The following PRCC variants were observed in gnomAD, a reference collection of about 807,000 sequenced individuals.
The protein encoded by PRCC is proline rich mitotic checkpoint control factor.
A neutral mutation model predicts 44.0 loss-of-function variants in PRCC; 10 were observed. That is an observed-to-expected ratio of 0.23 (90% CI 0.14 to 0.39). The LOEUF is 0.39. PRCC is among the 10% of genes least tolerant of loss of function. The probability of loss-of-function intolerance (pLI) is 1.00; values close to 1 mark genes in which losing one functional copy is unlikely to be tolerated. For missense variants in PRCC, 573 were observed against 624.7 expected (o/e 0.92, Z 0.88); for synonymous variants, 278 against 259.5 (o/e 1.07, Z -0.69).
chr1:156,795,609 T>C (rs1317878261), intron 5 of PRCC, among the ~76,000 whole-genome samples: 1 of 152,186 alleles, frequency 6.6e-6, no homozygotes, highest in East Asian at 1.9e-4. Context: ...TGTTTCAAGC[T>C]GGGACCTGGC....
At chr1:156,774,157 C>CTTTTTTTTTTTTTTTTTTTTTTTTTT (rs76271348) in intron 1 of PRCC, among the ~76,000 whole-genome samples, 1 of 54,002 alleles carries the variant, frequency 1.9e-5, no homozygotes, top group Non-Finnish European at 3.2e-5. Flanking sequence ...TTTGAGTCAC[C>CTTTTTTTTTTTTTTTTTTTTTTTTTT]TTTTTTTTTT....
rs1315532526 is a variant in PRCC at position 156,800,552 on chromosome 1, A to G, written c.*92A>G. 7 of 1,309,796 alleles carry G rather than the reference A, an allele frequency of 5.3e-6. No individual in the cohort carries two copies. The highest frequency in any genetic ancestry group is 6.6e-6 in the Non-Finnish European group (6 of 911,114). The allele number at this position is 1,309,796 out of a possible 1,614,324, so 81.1% of individuals were successfully genotyped here. A position where few individuals can be genotyped will look rare whatever the true frequency, so the allele number is the denominator to read the frequency against. ...CTGGGACCCCAGCTGCTCTAAGCCC[A>G]GGATCTCTTTCCCCAAGGACCCAGC... On this transcript the variant is annotated 3_prime_UTR_variant, in exon 7 of 7. Transcript: ENST00000271526.
chr1:156,778,581 CT>C (rs746389120), intron 1 of PRCC, among the ~76,000 whole-genome samples: 6,122 of 130,032 alleles, frequency 0.047, 278 homozygotes, highest in South Asian at 0.13. Flanking sequence ...TATAGTAATT[CT>C]TTTTTTTTTT....
At chr1:156,781,940 T>A (rs931325655) in intron 1 of PRCC, among the ~76,000 whole-genome samples, 1 of 152,212 alleles carries the variant, frequency 6.6e-6, no homozygotes, top group Non-Finnish European at 1.5e-5. Flanking sequence ...GGAAGAAGAA[T>A]GGGTATAGCT....
chr1:156,768,364 C>G, intron 1 of PRCC, 125 bp downstream of exon 1: 5 of 1,044,376 alleles, frequency 4.8e-6, no homozygotes, highest in Non-Finnish European at 4.2e-6. Flanking sequence ...CACTGGAATC[C>G]TCTTATAATG....
intron 4 of PRCC, 108 bp from the exon 5 acceptor site, chr1:156,794,557 C>T (rs1652595220): frequency 7.4e-7 from 1 of 1,344,642 alleles, no homozygotes; most frequent in Non-Finnish European, 1.0e-6. Flanking sequence ...ACTGAGGGTG[C>T]CTTGGGATTG....
chr1:156,782,097 A>C (rs770570951), intron 1 of PRCC, among the ~76,000 whole-genome samples, 185 bp from the exon 2 acceptor site: 2 of 152,190 alleles, frequency 1.3e-5, no homozygotes, highest in Non-Finnish European at 2.9e-5. Context: ...ATTTCTCTGA[A>C]GCTGTTTGAG....
chr1:156,778,808 A>G lies in PRCC; in HGVS notation c.469-3474A>G, dbSNP rs186310210. ...ATATTGCCCAGGCTGTCATATGGCA[A>G]TTTTTTTTTAGATGGAGTTTTGCTC... On this transcript the variant is annotated intron_variant, in intron 1 of 6. Coordinates refer to ENST00000271526, the MANE Select transcript of PRCC (RefSeq NM_005973.5). 4.8e-3 allele frequency among the ~76,000 whole-genome samples: 691 copies of G among 144,788 alleles called. 4 individuals are homozygous for G. Among genetic ancestry groups the G allele is most frequent in the African/African-American group, 0.017 (660 of 39,196 alleles). The allele number at this position is 144,788 out of a possible 152,430, so 95.0% of individuals were successfully genotyped here.
chr1:156,775,138 C>T (rs1651776707), intron 1 of PRCC, among the ~76,000 whole-genome samples: 1 of 150,818 alleles, frequency 6.6e-6, no homozygotes, highest in Admixed American at 6.6e-5. Flanking sequence ...GTCCCAGCTA[C>T]TCGGGAGGCT....
intron 1 of PRCC, among the ~76,000 whole-genome samples, chr1:156,774,419 C>T (rs1429203402): frequency 2.6e-5 from 4 of 151,216 alleles, no homozygotes; most frequent in African/African-American, 2.4e-5. Flanking sequence ...GTGATCCGCC[C>T]GTCTCGGGCT....
At chr1:156,793,647 A>ACAATT (rs1652565289) in intron 4 of PRCC, among the ~76,000 whole-genome samples, 1 of 152,202 alleles carries the variant, frequency 6.6e-6, no homozygotes, top group African/African-American at 2.4e-5. Context: ...AACAATTAGA[A>ACAATT]GGAACAGAGA....
chr1:156,779,660 G>A (rs943660309), intron 1 of PRCC, among the ~76,000 whole-genome samples: 3 of 152,000 alleles, frequency 2.0e-5, no homozygotes, highest in African/African-American at 7.3e-5. Flanking sequence ...TAAGCCACCG[G>A]ACTGGGCCTA....
chr1:156,782,401 C>T, intron 2 of PRCC, 72 bp downstream of exon 2: 7 of 1,397,888 alleles, frequency 5.0e-6, no homozygotes, highest in Non-Finnish European at 7.0e-6. Context: ...CTTACAGTAT[C>T]CAGCAGTTTT....
chr1:156,773,203 C>G (rs576492959), intron 1 of PRCC, among the ~76,000 whole-genome samples: 2 of 152,230 alleles, frequency 1.3e-5, no homozygotes, highest in East Asian at 3.9e-4. Context: ...CTTATTTCCT[C>G]CTTGGCTTTT....
At chr1:156,777,654 G>A (rs1651874135) in intron 1 of PRCC, among the ~76,000 whole-genome samples, 1 of 152,212 alleles carries the variant, frequency 6.6e-6, no homozygotes, top group African/African-American at 2.4e-5. Context: ...TGTGAAAAAT[G>A]TAATGTTTAC....
At chr1:156,800,056 C>T (rs1652785714) in intron 6 of PRCC, among the ~76,000 whole-genome samples, 1 of 152,162 alleles carries the variant, frequency 6.6e-6, no homozygotes, top group African/African-American at 2.4e-5. Flanking sequence ...TGATTTTCTT[C>T]CTTTTAGATG....
chr1:156,787,185 G>A lies in PRCC; in HGVS notation c.1083+11G>A. ...GGTGCTTATTATCAGGTGGGTAGGA[G>A]GCACAGAGGGCAGGCGAGGGAATGT... is the stretch of plus-strand genomic sequence containing the variant. On this transcript the variant is annotated intron_variant, in intron 3 of 6. Transcript: ENST00000271526. 2 of 1,585,870 alleles carry A rather than the reference G, an allele frequency of 1.3e-6. No individual in the cohort carries two copies. Among genetic ancestry groups the A allele is most frequent in the Non-Finnish European group, 1.7e-6 (2 of 1,161,498 alleles).
At chr1:156,794,973 C>T (rs908913153) in intron 5 of PRCC, among the ~76,000 whole-genome samples, 165 bp downstream of exon 5, 3 of 152,130 alleles carry the variant, frequency 2.0e-5, no homozygotes, top group African/African-American at 7.2e-5. Flanking sequence ...ACAGATACAG[C>T]TCCTGCCCTC....
chr1:156,771,790 C>G (rs376731982), intron 1 of PRCC, among the ~76,000 whole-genome samples: 1 of 151,810 alleles, frequency 6.6e-6, no homozygotes, highest in Non-Finnish European at 1.5e-5. Flanking sequence ...CTTGGCCTCT[C>G]AAAGTACTGG....
Sources: allele counts gnomAD v4.1 joint callset (sites outside exome capture counted in the v4.1 genomes callset), GRCh38; gene constraint gnomAD v4.1.1; transcripts MANE v1.5; gene names NCBI Gene and HGNC (gene_info 2026-07-23, HGNC 2026-07-21).